ANKRD29: variants seen among roughly 807,000 people sequenced by gnomAD.
ANKRD29 encodes the protein ankyrin repeat domain-containing protein 29.
Under a neutral mutation model 38.0 loss-of-function variants are expected in ANKRD29, and 32 were observed. That is an observed-to-expected ratio of 0.84 (90% CI 0.64 to 1.13). ANKRD29 has a LOEUF of 1.13. ANKRD29 is among the 50% of genes most tolerant of loss of function. The pLI is 0.00. For missense variants in ANKRD29, 357 were observed against 377.9 expected (o/e 0.94, Z 0.46); for synonymous variants, 135 against 152.4 (o/e 0.89, Z 0.84).
chr18:23,653,687 C>T lies in ANKRD29; in HGVS notation c.22-4494G>A, dbSNP rs577595749. On this transcript the variant is annotated intron_variant, in intron 1 of 9. Coordinates refer to ENST00000592179, the MANE Select transcript of ANKRD29 (RefSeq NM_173505.4). ...CGTTGCCCAGGCTGGAGTGCAGTGG[C>T]GCAATCTGGGCTCACTGCAACCATG... Among the ~76,000 whole-genome samples, 12 of 151,966 alleles carry T rather than the reference C, an allele frequency of 7.9e-5. No homozygotes were observed. The East Asian group carries it at 1.5e-3, about 20-fold the overall frequency.
At chr18:23,611,335 A>G (rs542472411) in intron 9 of ANKRD29, among the ~76,000 whole-genome samples, 2 of 152,180 alleles carry the variant, frequency 1.3e-5, no homozygotes, top group South Asian at 4.1e-4. Flanking sequence ...ATACTCCCAT[A>G]GTAACTGCTC....
At chr18:23,658,504 A>G (rs1366382892) in intron 1 of ANKRD29, among the ~76,000 whole-genome samples, 1 of 152,246 alleles carries the variant, frequency 6.6e-6, no homozygotes, top group Non-Finnish European at 1.5e-5. Flanking sequence ...GTCTTACCCA[A>G]TATCTGATTT....
rs536481221 is a variant in ANKRD29, at chr18:23,601,671, T to C, written c.823-362A>G. ...TAAATGTTATACCTTATATGTATTT[T>C]ATTATTATTATTTTTTGAGACAGGG... On this transcript the variant is annotated intron_variant, in intron 9 of 9. Transcript: ENST00000592179. Among the ~76,000 whole-genome samples the C allele has an allele frequency of 3.0e-4, 45 of 152,272 alleles. No individual in the cohort carries two copies. The South Asian group carries it at 9.1e-3, about 31-fold the overall frequency.
intron 1 of ANKRD29, among the ~76,000 whole-genome samples, chr18:23,660,581 C>T (rs1393283329): frequency 3.3e-5 from 5 of 151,992 alleles, no homozygotes; most frequent in South Asian, 2.1e-4. Flanking sequence ...CTGAGGCGGG[C>T]GATCACGTGA....
At chr18:23,605,130 A>C (rs2059559319) in intron 9 of ANKRD29, among the ~76,000 whole-genome samples, 1 of 152,098 alleles carries the variant, frequency 6.6e-6, no homozygotes, top group Non-Finnish European at 1.5e-5. Flanking sequence ...CATGTTGGAC[A>C]GGCTGCTTTT....
At chr18:23,605,590 G>T (rs1398288067) in intron 9 of ANKRD29, among the ~76,000 whole-genome samples, 1 of 151,566 alleles carries the variant, frequency 6.6e-6, no homozygotes, top group African/African-American at 2.4e-5. Context: ...GCAGTGGTGA[G>T]GTCTCGGCTC....
At chr18:23,635,253 A>G (rs2059987749) in intron 4 of ANKRD29, among the ~76,000 whole-genome samples, 1 of 151,518 alleles carries the variant, frequency 6.6e-6, no homozygotes, top group East Asian at 1.9e-4. Flanking sequence ...TGGGTGACAG[A>G]GCGAGACACT....
intron 1 of ANKRD29, among the ~76,000 whole-genome samples, chr18:23,654,618 C>CAAAAA (rs1167970950): frequency 1.2e-4 from 6 of 50,386 alleles, no homozygotes; most frequent in Admixed American, 2.0e-4. Context: ...GACTCTGTCT[C>CAAAAA]AAAAAAAAAA....
intron 6 of ANKRD29, among the ~76,000 whole-genome samples, chr18:23,623,026 A>G (rs1034408825): frequency 3.3e-5 from 5 of 152,226 alleles, no homozygotes; most frequent in African/African-American, 1.2e-4. Context: ...CTCTTAGGAA[A>G]AATTATTAGC....
rs2059485849 is a variant in ANKRD29 at position 23,599,190 on chromosome 18, CTGCTA to C, written c.*2031_*2035del. On this transcript the variant is annotated 3_prime_UTR_variant, in exon 10 of 10. Coordinates refer to ENST00000592179, the MANE Select transcript of ANKRD29 (RefSeq NM_173505.4). ...TTTGGTAGGTGATGATTCATTTTCC[CTGCTA>C]TGGGTAATCTCATCTAGATCAAATG... The C allele has an allele frequency of 6.6e-6, 1 of 152,172 alleles. No homozygotes were observed. The highest frequency in any genetic ancestry group is 2.4e-5 in the African/African-American group (1 of 41,448). The allele number at this position is 152,172 out of a possible 1,614,324, so 9.4% of individuals were successfully genotyped here. A position where few individuals can be genotyped will look rare whatever the true frequency, so the allele number is the denominator to read the frequency against.
chr18:23,640,436 G>T (rs1652346), intron 3 of ANKRD29, among the ~76,000 whole-genome samples: 9 of 152,160 alleles, frequency 5.9e-5, no homozygotes, highest in Admixed American at 2.0e-4. Flanking sequence ...ATACAGGGAA[G>T]AATTCAAATT....
chr18:23,635,510 T>TC (rs1436446044), intron 4 of ANKRD29, among the ~76,000 whole-genome samples: 1 of 152,210 alleles, frequency 6.6e-6, no homozygotes, highest in Non-Finnish European at 1.5e-5. Flanking sequence ...CATTCTTTTT[T>TC]CCCATCTAGC....
chr18:23,631,601 G>A (rs2145688549), intron 5 of ANKRD29, among the ~76,000 whole-genome samples: 1 of 152,196 alleles, frequency 6.6e-6, no homozygotes. Context: ...AAAGAACCCT[G>A]AAAGATGTTT....
At position 23,638,930 on chromosome 18, in the gene ANKRD29, T is replaced by C; in HGVS notation, c.249A>G (p.Leu83=). The C allele has an allele frequency of 4.3e-6, 7 of 1,612,320 alleles. No individual in the cohort carries two copies. The highest frequency in any genetic ancestry group is 5.9e-6 in the Non-Finnish European group (7 of 1,179,574). The stretch of plus-strand genomic sequence containing the variant: ...TATGGCCTTGCTGGGCGGCAAAGAA[T>C]AGGGCAGTTGTACCTGACTGGGAGA... ...NLQRESGTTA[L]FFAAQQGHND... The change falls in exon 4 of 10, where the codon CTA becomes CTG. Residue 83 remains leucine, a synonymous_variant. Coordinates refer to ENST00000592179, the MANE Select transcript of ANKRD29 (RefSeq NM_173505.4).
At chr18:23,651,706 G>C (rs1421303072) in intron 1 of ANKRD29, among the ~76,000 whole-genome samples, 1 of 152,190 alleles carries the variant, frequency 6.6e-6, no homozygotes, top group Non-Finnish European at 1.5e-5. Flanking sequence ...ATCTCTAGTC[G>C]GGGCCTCTCC....
chr18:23,649,142 G>A lies in ANKRD29; in HGVS notation c.73C>T (p.Leu25=). Residue 25 remains leucine, a synonymous_variant, in exon 2 of 10, where the codon CTG becomes TTG. Transcript: ENST00000592179. The part of the protein sequence containing the change: ...AAFWAARRGN[L]ALLKLLLNSG... Reference sequence around the variant, plus strand: ...TTCAACAGCAGCTTCAGCAGCGCCAGGTTTCCTCTCCTGGCTGCCCAGAAT... The same window carrying A: ...TTCAACAGCAGCTTCAGCAGCGCCAAGTTTCCTCTCCTGGCTGCCCAGAAT... 6.2e-7 allele frequency: 1 copy of A among 1,614,218 alleles called. No homozygotes were observed. Among genetic ancestry groups the A allele is most frequent in the South Asian group, 1.1e-5 (1 of 91,092 alleles).
chr18:23,651,573 G>A (rs1256182014), intron 1 of ANKRD29, among the ~76,000 whole-genome samples: 1 of 152,202 alleles, frequency 6.6e-6, no homozygotes, highest in Admixed American at 6.5e-5. Context: ...AGCTTTTCCT[G>A]AAAGGTAAAC....
At chr18:23,614,053 T>G (rs2059680052) in intron 8 of ANKRD29, among the ~76,000 whole-genome samples, 1 of 151,854 alleles carries the variant, frequency 6.6e-6, no homozygotes, top group South Asian at 2.1e-4. Context: ...TTTTAACAAG[T>G]GCAGCTTTTT....
At chr18:23,654,783 T>C (rs1378837645) in intron 1 of ANKRD29, among the ~76,000 whole-genome samples, 2 of 152,066 alleles carry the variant, frequency 1.3e-5, no homozygotes, top group Non-Finnish European at 2.9e-5. Context: ...TTTTGGCTAA[T>C]ACACTGCTCA....
Sources: allele counts gnomAD v4.1 joint callset (sites outside exome capture counted in the v4.1 genomes callset), GRCh38; gene constraint gnomAD v4.1.1; transcripts MANE v1.5; gene names NCBI Gene and HGNC (gene_info 2026-07-23, HGNC 2026-07-21).